The following EBF2 variants were observed in gnomAD, a reference collection of about 807,000 sequenced individuals.
EBF2 encodes the protein transcription factor COE2.
In EBF2, 21 loss-of-function variants were observed where a neutral mutation model predicts 72.8. That is an observed-to-expected ratio of 0.29 (90% CI 0.20 to 0.42). EBF2 has a LOEUF of 0.42. Among genes scored for constraint, EBF2 ranks in the 10% least tolerant of loss-of-function variants. The pLI, the probability that EBF2 is intolerant of heterozygous loss-of-function variation, is 1.00. For missense variants in EBF2, 637 were observed against 731.2 expected (o/e 0.87, Z 1.49); for synonymous variants, 299 against 274.2 (o/e 1.09, Z -0.89).
chr8:25,961,227 A>AAT (rs1307311828), intron 6 of EBF2, among the ~76,000 whole-genome samples: 1 of 152,220 alleles, frequency 6.6e-6, no homozygotes, highest in Non-Finnish European at 1.5e-5. Flanking sequence ...TATGTGTCTT[A>AAT]AAATTTTCTA....
chr8:26,043,831 C>T (rs1805652465), intron 1 of EBF2, among the ~76,000 whole-genome samples: 1 of 152,136 alleles, frequency 6.6e-6, no homozygotes, highest in South Asian at 2.1e-4. Context: ...CAGACAAGGA[C>T]CTGGAGGCCA....
At chr8:26,040,132 A>G (rs1212854411) in intron 4 of EBF2, 31 bp from the exon 5 acceptor site, 2 of 1,581,236 alleles carry the variant, frequency 1.3e-6, no homozygotes, top group Admixed American at 1.7e-5. Context: ...GGAAAGGAAG[A>G]TGTGGAGAGG....
At chr8:25,886,176 A>C (rs1231232908) in intron 10 of EBF2, among the ~76,000 whole-genome samples, 1 of 152,226 alleles carries the variant, frequency 6.6e-6, no homozygotes, top group East Asian at 1.9e-4. Flanking sequence ...AAACATTTCA[A>C]ATTTATGAAT....
intron 6 of EBF2, among the ~76,000 whole-genome samples, chr8:26,030,709 C>T (rs540349182): frequency 6.6e-6 from 1 of 152,242 alleles, no homozygotes; most frequent in South Asian, 2.1e-4. Context: ...TGCAACATTT[C>T]GGAAGTAACG....
At chr8:25,847,946 G>A (rs535970648) in intron 15 of EBF2, among the ~76,000 whole-genome samples, 6 of 152,054 alleles carry the variant, frequency 3.9e-5, no homozygotes, top group Admixed American at 1.3e-4. Context: ...TAACTCGTGC[G>A]CCGAAATCTC....
chr8:25,912,147 T>G (rs1803139428), intron 6 of EBF2, among the ~76,000 whole-genome samples: 1 of 152,156 alleles, frequency 6.6e-6, no homozygotes, highest in African/African-American at 2.4e-5. Context: ...CTGTATTTCA[T>G]TCTCACAACA....
chr8:25,999,265 TTTC>T (rs1804683310), intron 6 of EBF2, among the ~76,000 whole-genome samples: 2 of 152,178 alleles, frequency 1.3e-5, no homozygotes, highest in African/African-American at 4.8e-5. Context: ...TTTTGTCTAT[TTTC>T]TTCTCCTCAA....
intron 13 of EBF2, among the ~76,000 whole-genome samples, chr8:25,858,906 G>C (rs1802156026): frequency 6.6e-6 from 1 of 151,928 alleles, no homozygotes; most frequent in African/African-American, 2.4e-5. Context: ...TGATCCACCA[G>C]CCTCAGCCTC....
chr8:26,006,913 A>T, intron 6 of EBF2, among the ~76,000 whole-genome samples: 1 of 152,008 alleles, frequency 6.6e-6, no homozygotes, highest in Non-Finnish European at 1.5e-5. Flanking sequence ...TATCAAAAAC[A>T]CTCCTCTGAC....
At chr8:26,010,988 TACACAC>T (rs36211488) in intron 6 of EBF2, among the ~76,000 whole-genome samples, 114,994 of 150,798 alleles carry the variant, frequency 0.76, 43,828 homozygotes, top group East Asian at 0.96. Context: ...TATGTGTGCA[TACACAC>T]ACACACACAC....
At chr8:25,899,321 G>A (rs973352622) in intron 7 of EBF2, among the ~76,000 whole-genome samples, 4 of 150,374 alleles carry the variant, frequency 2.7e-5, no homozygotes, top group Admixed American at 6.6e-5. Context: ...ATCAGATAAT[G>A]GACTCACCTG....
rs931337580 is a variant in EBF2 at position 26,015,483 on chromosome 8, C to T, written c.551+17602G>A. ...TGCTCGCTATGCATTTGTGGGTTGA[C>T]CAAGTAGTTGATTAACTGAATCAAC... is the stretch of plus-strand genomic sequence containing the variant. On this transcript the variant is annotated intron_variant, in intron 6 of 15. Coordinates refer to ENST00000520164, the MANE Select transcript of EBF2 (RefSeq NM_022659.4). Among the ~76,000 whole-genome samples the T allele has an allele frequency of 3.3e-5, 5 of 152,192 alleles. No homozygotes were observed. The South Asian group carries it at 1.0e-3, about 32-fold the overall frequency.
intron 10 of EBF2, among the ~76,000 whole-genome samples, chr8:25,864,505 C>G (rs1585265505): frequency 1.5e-5 from 1 of 68,754 alleles, no homozygotes. Flanking sequence ...CACACAAACA[C>G]ACACACACAC....
Position 25,902,734 on chromosome 8 carries a change from A to C in EBF2, c.633+5740T>G, listed in dbSNP as rs78740156. On this transcript the variant is annotated intron_variant, in intron 7 of 15. Coordinates refer to ENST00000520164, the MANE Select transcript of EBF2 (RefSeq NM_022659.4). ...GAGAAGGGTGTGTCAGCACAGACCCAGGAACCAACAGCTCCATTTGGAAGA... is the reference window on the plus strand; with the variant it reads ...GAGAAGGGTGTGTCAGCACAGACCCCGGAACCAACAGCTCCATTTGGAAGA... 1.4e-4 allele frequency among the ~76,000 whole-genome samples: 21 copies of C among 152,368 alleles called. No individual in the cohort carries two copies. The East Asian group carries it at 3.9e-3, about 28-fold the overall frequency.
At chr8:25,849,321 A>C (rs1351370660) in intron 15 of EBF2, among the ~76,000 whole-genome samples, 1 of 152,166 alleles carries the variant, frequency 6.6e-6, no homozygotes, top group South Asian at 2.1e-4. Context: ...TCAGGAACCT[A>C]ACGTACCTCC....
chr8:25,855,524 CTTAG>C (rs1205098642), intron 14 of EBF2, among the ~76,000 whole-genome samples: 1 of 152,168 alleles, frequency 6.6e-6, no homozygotes, highest in Admixed American at 6.5e-5. Flanking sequence ...CTCTTTCTTA[CTTAG>C]TGTCTCTGGC....
chr8:25,853,480 A>AT (rs1446129850), intron 14 of EBF2, among the ~76,000 whole-genome samples: 3 of 146,252 alleles, frequency 2.1e-5, no homozygotes, highest in African/African-American at 7.6e-5. Context: ...AAAAGATCTT[A>AT]TTTTCCACTC....
intron 6 of EBF2, among the ~76,000 whole-genome samples, chr8:26,006,493 G>C (rs147963561): frequency 0.016 from 2,429 of 152,252 alleles, 27 homozygotes; most frequent in Admixed American, 0.03. Context: ...ATAAGCAATG[G>C]AATGAACATC....
At chr8:25,856,014 G>A (rs1453796229) in intron 14 of EBF2, among the ~76,000 whole-genome samples, 3 of 152,160 alleles carry the variant, frequency 2.0e-5, no homozygotes, top group Non-Finnish European at 4.4e-5. Flanking sequence ...TGTGGCAGTG[G>A]GTTTGGGTGA....
Sources: gnomAD v4.1 joint callset for allele counts (sites outside exome capture counted in the v4.1 genomes callset) on GRCh38, gnomAD v4.1.1 for gene constraint, MANE v1.5 for transcripts, NCBI Gene and HGNC (gene_info 2026-07-23, HGNC 2026-07-21) for gene names.